RBFOX1: variants seen among roughly 807,000 people sequenced by gnomAD.
RBFOX1 encodes the protein RNA binding fox-1 homolog 1.
Under a neutral mutation model 57.7 loss-of-function variants are expected in RBFOX1, and 8 were observed. That is an observed-to-expected ratio of 0.14 (90% confidence interval 0.08 to 0.25). RBFOX1 has a LOEUF of 0.25. Among genes scored for constraint, RBFOX1 ranks in the 10% least tolerant of loss-of-function variants. The pLI, the probability that RBFOX1 is intolerant of heterozygous loss-of-function variation, is 1.00. For synonymous variants in RBFOX1, 326 were observed against 222.4 expected, an observed-to-expected ratio of 1.47 and a Z score of -4.15; for missense variants, 611 against 548.5, an observed-to-expected ratio of 1.11 and a Z score of -1.14.
At chr16:6,957,980 A>T (rs922008494) in intron 3 of RBFOX1, among the ~76,000 whole-genome samples, 2 of 152,004 alleles carry the variant, frequency 1.3e-5, no homozygotes, top group Non-Finnish European at 2.9e-5. Flanking sequence ...GTTACACAGG[A>T]CCAGCTCCTG....
At chr16:6,402,878 T>A (rs553389083) in intron 2 of RBFOX1, among the ~76,000 whole-genome samples, 5 of 152,340 alleles carry the variant, frequency 3.3e-5, no homozygotes, top group Middle Eastern at 3.4e-3. Context: ...GAGATGTAAT[T>A]GTGATTGAAG....
At position 6,777,443 on chromosome 16, in the gene RBFOX1, G is replaced by T. The variant is rs186353815; in HGVS notation, c.-16+122793G>T. 7.9e-5 allele frequency among the ~76,000 whole-genome samples: 12 copies of T among 152,236 alleles called. No homozygotes were observed. The East Asian group carries it at 2.3e-3, about 29-fold the overall frequency. On this transcript the variant is annotated intron_variant, in intron 3 of 15. Coordinates refer to ENST00000550418, the MANE Select transcript of RBFOX1 (RefSeq NM_018723.4). ...AAAGAAACCAACCAAATAACACTAG[G>T]TATCAGTTTTCAGCTGCATGTAAAC... is the stretch of plus-strand genomic sequence containing the variant.
intron 4 of RBFOX1, among the ~76,000 whole-genome samples, chr16:7,466,477 C>T (rs998481310): frequency 6.6e-6 from 1 of 152,030 alleles, no homozygotes. Flanking sequence ...AAAAAGTCAC[C>T]CCAGGTCCTA....
At chr16:5,713,306 G>A (rs2151513067) in intron 3 of RBFOX1, among the ~76,000 whole-genome samples, 1 of 152,284 alleles carries the variant, frequency 6.6e-6, no homozygotes, top group East Asian at 1.9e-4. Context: ...GAGAGAAGGA[G>A]AAGGACAAGG....
At chr16:7,508,013 G>C (rs1434217695) in intron 4 of RBFOX1, among the ~76,000 whole-genome samples, 10 of 151,286 alleles carry the variant, frequency 6.6e-5, no homozygotes, top group Admixed American at 6.6e-4. Flanking sequence ...TTGAGATGGA[G>C]TCTCACCCTA....
intron 2 of RBFOX1, among the ~76,000 whole-genome samples, chr16:5,528,012 C>G (rs919414341): frequency 1.3e-5 from 2 of 152,176 alleles, no homozygotes; most frequent in African/African-American, 2.4e-5. Context: ...ATAGCTCACT[C>G]CTAGTCATTA....
chr16:6,537,000 G>T (rs569991532), intron 2 of RBFOX1, among the ~76,000 whole-genome samples: 1 of 152,218 alleles, frequency 6.6e-6, no homozygotes, highest in South Asian at 2.1e-4. Flanking sequence ...CTTTTCTGGG[G>T]AAAGAAACCA....
At chr16:5,748,519 G>C (rs1238473281) in intron 3 of RBFOX1, among the ~76,000 whole-genome samples, 1 of 152,136 alleles carries the variant, frequency 6.6e-6, no homozygotes, top group African/African-American at 2.4e-5. Context: ...AAGTCTCTTT[G>C]TAGGTCTCTA....
At chr16:6,837,948 C>A (rs551407542) in intron 3 of RBFOX1, among the ~76,000 whole-genome samples, 17 of 151,922 alleles carry the variant, frequency 1.1e-4, no homozygotes, top group Non-Finnish European at 2.4e-4. Context: ...CCACCTCTTT[C>A]CATGGCAACA....
At chr16:6,324,200 C>G (rs1380319134) in intron 2 of RBFOX1, among the ~76,000 whole-genome samples, 1 of 137,202 alleles carries the variant, frequency 7.3e-6, no homozygotes, top group African/African-American at 2.7e-5. Context: ...CACAGGTACA[C>G]TTCATTTAGC....
chr16:6,481,992 T>C (rs1438430540), intron 2 of RBFOX1, among the ~76,000 whole-genome samples: 1 of 152,214 alleles, frequency 6.6e-6, no homozygotes, highest in Non-Finnish European at 1.5e-5. Flanking sequence ...GGAATTGGCA[T>C]GTTAAAAAAA....
intron 11 of RBFOX1, among the ~76,000 whole-genome samples, chr16:7,644,408 C>T (rs1190522087): frequency 2.0e-5 from 3 of 152,224 alleles, no homozygotes; most frequent in Non-Finnish European, 4.4e-5. Context: ...ACTGCAATCA[C>T]ATCGTTCCTT....
intron 2 of RBFOX1, among the ~76,000 whole-genome samples, chr16:6,401,570 C>T (rs1470328195): frequency 2.0e-5 from 3 of 152,036 alleles, no homozygotes; most frequent in African/African-American, 7.2e-5. Context: ...TAGCCGTATG[C>T]TTATAATGTG....
chr16:5,837,934 C>G (rs2056511258), intron 3 of RBFOX1, among the ~76,000 whole-genome samples: 1 of 152,112 alleles, frequency 6.6e-6, no homozygotes, highest in Non-Finnish European at 1.5e-5. Context: ...AAGACTGTGT[C>G]AGATGGCTGC....
At chr16:5,943,022 C>G (rs1204108340) in intron 4 of RBFOX1, among the ~76,000 whole-genome samples, 1 of 152,186 alleles carries the variant, frequency 6.6e-6, no homozygotes, top group Non-Finnish European at 1.5e-5. Context: ...ACCACAAGCT[C>G]AGTATGGGGG....
chr16:7,216,129 C>G (rs1193026258), intron 4 of RBFOX1, among the ~76,000 whole-genome samples: 1 of 152,160 alleles, frequency 6.6e-6, no homozygotes, highest in Non-Finnish European at 1.5e-5. Flanking sequence ...GATGCGTTGC[C>G]AGACAACATA....
At chr16:6,821,288 C>T (rs1168448556) in intron 3 of RBFOX1, among the ~76,000 whole-genome samples, 1 of 152,192 alleles carries the variant, frequency 6.6e-6, no homozygotes, top group African/African-American at 2.4e-5. Flanking sequence ...GTCTGTGGTG[C>T]TTTCCTCTCT....
intron 4 of RBFOX1, among the ~76,000 whole-genome samples, chr16:7,101,726 G>T (rs186657492): frequency 2.6e-5 from 4 of 152,198 alleles, no homozygotes; most frequent in African/African-American, 7.2e-5. Context: ...TTTGCTTGCC[G>T]CAGAAGACAA....
intron 4 of RBFOX1, among the ~76,000 whole-genome samples, chr16:7,298,250 C>T (rs994110961): frequency 1.3e-5 from 2 of 150,666 alleles, no homozygotes; most frequent in Admixed American, 6.6e-5. Context: ...ATCAACCCAC[C>T]ACAATGTAGA....
Sources: allele counts gnomAD v4.1 joint callset (sites outside exome capture counted in the v4.1 genomes callset), GRCh38; gene constraint gnomAD v4.1.1; transcripts MANE v1.5; gene names NCBI Gene and HGNC (gene_info 2026-07-23, HGNC 2026-07-21).